Variants in RBFOX3 observed in about 807,000 individuals in gnomAD.
RBFOX3 encodes the protein RNA binding protein fox-1 homolog 3.
In RBFOX3, 17 loss-of-function variants were observed where a neutral mutation model predicts 48.7. That is an observed-to-expected ratio of 0.35 (90% CI 0.24 to 0.52). The LOEUF (loss-of-function observed/expected upper bound fraction) is 0.52, where lower values mean the gene tolerates loss of function less well. Ranked by LOEUF, RBFOX3 falls within the 20% of genes least tolerant of loss-of-function variation. The pLI, the probability that RBFOX3 is intolerant of heterozygous loss-of-function variation, is 0.94. For synonymous variants in RBFOX3, 212 were observed against 209.5 expected (o/e 1.01, Z -0.10); for missense variants, 382 against 497.5 (o/e 0.77, Z 2.21).
the RBFOX3 span, among the ~76,000 whole-genome samples, chr17:79,654,593 G>A: frequency 2.4e-4 from 36 of 152,256 alleles, no homozygotes; most frequent in East Asian, 1.5e-3. Flanking sequence ...CAAGCCCCTC[G>A]GTGTAAGGGA....
intron 2 of RBFOX3, among the ~76,000 whole-genome samples, chr17:79,326,380 T>C (rs1266266944): frequency 2.0e-5 from 3 of 152,186 alleles, no homozygotes; most frequent in Non-Finnish European, 4.4e-5. Context: ...AGGGCTGCAG[T>C]GAAAATATCT....
At chr17:79,106,825 G>A (rs761868970) in intron 5 of RBFOX3, 37 bp from the exon 6 acceptor site, 5 of 1,481,214 alleles carry the variant, frequency 3.4e-6, no homozygotes, top group Non-Finnish European at 1.8e-6. Flanking sequence ...GGCTGCCTCT[G>A]TGTGCGGGGT....
intron 2 of RBFOX3, among the ~76,000 whole-genome samples, chr17:79,394,816 C>T (rs953902123): frequency 9.2e-5 from 14 of 152,196 alleles, no homozygotes; most frequent in Middle Eastern, 3.2e-3. Flanking sequence ...ACTCCTGAGA[C>T]GTCCCGGGCC....
intron 1 of RBFOX3, among the ~76,000 whole-genome samples, chr17:79,534,871 C>T (rs1555788338): frequency 6.6e-6 from 1 of 152,176 alleles, no homozygotes; most frequent in African/African-American, 2.4e-5. Flanking sequence ...GATCGTCGCC[C>T]CCTCGGAAGT....
At chr17:79,625,104 C>A in the RBFOX3 span, among the ~76,000 whole-genome samples, 19 of 152,144 alleles carry the variant, frequency 1.2e-4, no homozygotes, top group Admixed American at 2.0e-4. Context: ...GGATAGGGAA[C>A]ATATCCGTCA....
intron 9 of RBFOX3, chr17:79,100,127 C>T (rs1022320121): frequency 2.0e-4 from 30 of 152,368 alleles, no homozygotes; most frequent in African/African-American, 7.0e-4. Flanking sequence ...AGCCGCATAG[C>T]CCGAGGCCAT....
chr17:79,304,874 G>A (rs953208017), intron 3 of RBFOX3, among the ~76,000 whole-genome samples: 1 of 152,154 alleles, frequency 6.6e-6, no homozygotes, highest in African/African-American at 2.4e-5. Context: ...CCGTGTTCTC[G>A]AGGCAGAGTC....
intron 4 of RBFOX3, among the ~76,000 whole-genome samples, chr17:79,209,545 G>A (rs894740198): frequency 5.3e-5 from 8 of 152,174 alleles, no homozygotes; most frequent in African/African-American, 1.9e-4. Flanking sequence ...CCTCCTCTAG[G>A]CAGTGAGCAC....
chr17:79,210,819 G>A (rs750501964), intron 4 of RBFOX3, among the ~76,000 whole-genome samples: 18 of 152,048 alleles, frequency 1.2e-4, no homozygotes, highest in Non-Finnish European at 1.3e-4. Flanking sequence ...TGAGGGTGCC[G>A]AGTTTTGGAG....
intron 2 of RBFOX3, among the ~76,000 whole-genome samples, chr17:79,324,263 G>A (rs2078982590): frequency 6.6e-6 from 1 of 152,234 alleles, no homozygotes. Context: ...GCCAGGAGGA[G>A]CAGCAGCACT....
chr17:79,209,099 G>C (rs577505508), intron 4 of RBFOX3, among the ~76,000 whole-genome samples: 1 of 151,876 alleles, frequency 6.6e-6, no homozygotes, highest in Non-Finnish European at 1.5e-5. Flanking sequence ...GATTACAGGC[G>C]TGAGCCACCA....
intron 3 of RBFOX3, among the ~76,000 whole-genome samples, chr17:79,269,793 C>T (rs952576592): frequency 1.3e-5 from 2 of 148,818 alleles, no homozygotes; most frequent in East Asian, 3.9e-4. Flanking sequence ...ATGCTGGGTT[C>T]CTTTCCATTG....
At position 79,311,870 on chromosome 17, in the gene RBFOX3, A is replaced by T. The variant is rs1228949264; in HGVS notation, c.-174-4046T>A. Among the ~76,000 whole-genome samples, 1 of 152,108 alleles carries T rather than the reference A, an allele frequency of 6.6e-6. No homozygotes were observed. Among genetic ancestry groups the T allele is most frequent in the African/African-American group, 2.4e-5 (1 of 41,410 alleles). The stretch of plus-strand genomic sequence containing the variant: ...GGGGGCAAGGACAGCATTCTCACGA[A>T]CCTGGAACAAACCGGCCCTCCTGAA... On this transcript the variant is annotated intron_variant, in intron 2 of 14. Coordinates refer to ENST00000693108, the MANE Select transcript of RBFOX3 (RefSeq NM_001350451.2). This position sits in a 1 kb window ranked among gnomAD's most constrained non-coding sequence, Gnocchi z 4.2.
intron 2 of RBFOX3, among the ~76,000 whole-genome samples, chr17:79,457,583 C>A (rs550128091): frequency 7.3e-4 from 111 of 152,026 alleles, no homozygotes; most frequent in African/African-American, 2.6e-3. Context: ...GTTTCCGGGG[C>A]AGTTGGGGCG....
At chr17:79,226,967 T>C (rs1344652352) in intron 4 of RBFOX3, among the ~76,000 whole-genome samples, 1 of 152,214 alleles carries the variant, frequency 6.6e-6, no homozygotes, top group Non-Finnish European at 1.5e-5. Context: ...CTAAGCATTC[T>C]GGGCAGGGAC....
chr17:79,144,848 C>T (rs1054335822), intron 4 of RBFOX3, among the ~76,000 whole-genome samples: 2 of 152,202 alleles, frequency 1.3e-5, no homozygotes, highest in Admixed American at 6.5e-5. Flanking sequence ...GAGGCAAACG[C>T]CCTCCCTTCA....
intron 3 of RBFOX3, among the ~76,000 whole-genome samples, chr17:79,300,280 G>A (rs532139826): frequency 1.5e-4 from 23 of 152,248 alleles, no homozygotes; most frequent in East Asian, 9.7e-4. Context: ...GGGCCACCCT[G>A]TCTGTGCTGT....
intron 1 of RBFOX3, among the ~76,000 whole-genome samples, chr17:79,555,385 G>A (rs1425585811): frequency 2.9e-4 from 3 of 10,324 alleles, no homozygotes; most frequent in Non-Finnish European, 5.5e-4. Flanking sequence ...AGTTGTGGTG[G>A]TGGTGATGGT....
intron 3 of RBFOX3, among the ~76,000 whole-genome samples, chr17:79,279,807 G>T (rs907202203): frequency 6.6e-6 from 1 of 152,176 alleles, no homozygotes; most frequent in Admixed American, 6.5e-5. Flanking sequence ...TCTCAGGAAA[G>T]GGGATGCAGG....
Sources: allele counts gnomAD v4.1 joint callset (sites outside exome capture counted in the v4.1 genomes callset), GRCh38; gene constraint gnomAD v4.1.1; non-coding constraint Gnocchi (gnomAD v3.1); transcripts MANE v1.5; gene names NCBI Gene and HGNC (gene_info 2026-07-23, HGNC 2026-07-21).